The following DYNC2H1 variants were observed in gnomAD, a reference collection of about 807,000 sequenced individuals.
The protein encoded by DYNC2H1 is dynein cytoplasmic 2 heavy chain 1, also known as cytoplasmic dynein 2 heavy chain 1.
In DYNC2H1, 410 loss-of-function variants were observed where a neutral mutation model predicts 570.0. That is an observed-to-expected ratio of 0.72 (90% CI 0.66 to 0.78). The LOEUF (loss-of-function observed/expected upper bound fraction) is 0.78, where lower values mean the gene tolerates loss of function less well. DYNC2H1 is among the 30% of genes least tolerant of loss of function. DYNC2H1 has a pLI of 0.00. For synonymous variants in DYNC2H1, 1,688 were observed against 1,677.6 expected (o/e 1.01, Z -0.15); for missense variants, 4,865 against 5,046.4 (o/e 0.96, Z 1.09).
chr11:103,257,515 G>T, intron 68 of DYNC2H1, 93 bp from the exon 69 acceptor site: 1 of 1,215,436 alleles, frequency 8.2e-7, no homozygotes. Context: ...TTTATTACTT[G>T]GGTAGATATG....
chr11:103,160,887 T>C (rs374429025), intron 28 of DYNC2H1, 45 bp from the exon 29 acceptor site: 197 of 1,098,394 alleles, frequency 1.8e-4, no homozygotes, highest in Non-Finnish European at 2.2e-4. Context: ...CTAATAATTA[T>C]GTCTTTAATC....
At chr11:103,316,489 A>G in intron 79 of DYNC2H1, 56 bp from the exon 80 acceptor site, 1 of 1,180,960 alleles carries the variant, frequency 8.5e-7, no homozygotes. Flanking sequence ...TGATACATAC[A>G]TATATATCTT....
Position 103,231,288 on chromosome 11 carries a change from A to G in DYNC2H1, c.9382A>G (p.Arg3128Gly). The G allele has an allele frequency of 6.2e-7, 1 of 1,605,454 alleles. No individual in the cohort carries two copies. Among genetic ancestry groups the G allele is most frequent in the Non-Finnish European group, 8.5e-7 (1 of 1,176,200 alleles). The change falls in exon 60 of 89, where the codon AGG becomes GGG. Residue 3128 changes from arginine (R) to glycine (G), a missense_variant. Physicochemically the swap from Arg to Gly is moderately radical, Grantham distance 125. Transcript: ENST00000375735. ...SNLKKTEDRKRKLEELLNSVG... is the reference protein window; with the variant it reads ...SNLKKTEDRKGKLEELLNSVG... ...TCTGAAGAAAACTGAAGACAGAAAAAGGAAACTAGAGGAGCTTCTTAATTC... is the reference window on the plus strand; with the variant it reads ...TCTGAAGAAAACTGAAGACAGAAAAGGGAAACTAGAGGAGCTTCTTAATTC...
intron 25 of DYNC2H1, among the ~76,000 whole-genome samples, chr11:103,155,941 G>A (rs1021506937): frequency 2.0e-5 from 3 of 152,168 alleles, no homozygotes; most frequent in African/African-American, 7.2e-5. Flanking sequence ...TATGAAGCAT[G>A]ACTGTTGCAG....
At chr11:103,140,484 T>A (rs978666527) in intron 17 of DYNC2H1, among the ~76,000 whole-genome samples, 5 of 152,186 alleles carry the variant, frequency 3.3e-5, no homozygotes, top group African/African-American at 9.7e-5. Flanking sequence ...TTAGTTTGGC[T>A]GGATATGAAA....
chr11:103,184,012 A>G (rs572580801), intron 40 of DYNC2H1, among the ~76,000 whole-genome samples: 15 of 152,116 alleles, frequency 9.9e-5, no homozygotes, highest in South Asian at 8.3e-4. Context: ...TTACTTAGGC[A>G]TAACTTCTTT....
rs985640925 is a variant in DYNC2H1 at position 103,334,540 on chromosome 11, T to C, written c.12039+10550T>C. On this transcript the variant is annotated intron_variant, in intron 82 of 88. Coordinates refer to ENST00000375735, the MANE Select transcript of DYNC2H1 (RefSeq NM_001377.3). The surrounding 1 kb of genome is among the most constrained non-coding windows in gnomAD (Gnocchi z 4.3). ...TTTTTATTACCAAAAACAGTTTTAGTTGGCATTTTATTACTTTTTAAAATA... is the reference window on the plus strand; with the variant it reads ...TTTTTATTACCAAAAACAGTTTTAGCTGGCATTTTATTACTTTTTAAAATA... Among the ~76,000 whole-genome samples the C allele has an allele frequency of 1.3e-5, 2 of 152,188 alleles. No individual in the cohort carries two copies. Among genetic ancestry groups the C allele is most frequent in the South Asian group, 4.1e-4 (2 of 4,838 alleles).
intron 43 of DYNC2H1, among the ~76,000 whole-genome samples, chr11:103,187,986 T>A (rs1175878571): frequency 2.6e-5 from 4 of 152,062 alleles, no homozygotes. Context: ...CCCATTATTC[T>A]CCATTTTTGC....
chr11:103,478,590 C>A (rs1204011930), intron 88 of DYNC2H1, among the ~76,000 whole-genome samples: 1 of 152,154 alleles, frequency 6.6e-6, no homozygotes, highest in East Asian at 1.9e-4. Flanking sequence ...ATATGGGAAA[C>A]TATTTGGTAT....
rs1862081757 is a variant in DYNC2H1, at chr11:103,186,623, A to G, written c.6893+122A>G. On this transcript the variant is annotated intron_variant, in intron 42 of 88. Coordinates refer to ENST00000375735, the MANE Select transcript of DYNC2H1 (RefSeq NM_001377.3). This position sits in a 1 kb window ranked among gnomAD's most constrained non-coding sequence, Gnocchi z 4.5. ...GCATTTACATTTTCATGGAAGATTC[A>G]TTTTATTTTCATTACTTATAAAAAT... The G allele has an allele frequency of 7.7e-7, 1 of 1,306,318 alleles. No individual in the cohort carries two copies. Among genetic ancestry groups the G allele is most frequent in the African/African-American group, 1.5e-5 (1 of 67,066 alleles). The allele number at this position is 1,306,318 out of a possible 1,614,324, so 80.9% of individuals were successfully genotyped here.
chr11:103,323,642 A>T (rs912184407), intron 81 of DYNC2H1, among the ~76,000 whole-genome samples: 7 of 152,096 alleles, frequency 4.6e-5, no homozygotes, highest in Admixed American at 2.6e-4. Flanking sequence ...AATAATTCGG[A>T]GTCCCTTTGT....
At chr11:103,169,056 A>G (rs902745977) in intron 32 of DYNC2H1, 96 bp downstream of exon 32, 18 of 1,096,682 alleles carry the variant, frequency 1.6e-5, no homozygotes, top group Non-Finnish European at 2.1e-5. Context: ...TTTAAGTAGT[A>G]ATTTTTCCAT....
At position 103,187,404 on chromosome 11, in the gene DYNC2H1, G is replaced by T; in HGVS notation, c.6958G>T (p.Ala2320Ser). The T allele has an allele frequency of 6.2e-6, 10 of 1,613,170 alleles. No homozygotes were observed. Among genetic ancestry groups the T allele is most frequent in the Non-Finnish European group, 8.5e-6 (10 of 1,179,406 alleles). Residue 2320 changes from alanine to serine, a missense_variant, in exon 43 of 89, where the codon GCA becomes TCA. Transcript: ENST00000375735. ...TCAAATTGCTACAGTTCACTGTAGT[G>T]CACAAACCACTTCTCGACATCTCCT... ...STQIATVHCS[A>S]QTTSRHLLQK...
At chr11:103,156,367 T>C (rs1860820787) in intron 25 of DYNC2H1, 21 bp from the exon 26 acceptor site, 1 of 1,593,874 alleles carries the variant, frequency 6.3e-7, no homozygotes, top group African/African-American at 1.4e-5. Flanking sequence ...GTAATAAACA[T>C]GGATATTTTG....
At chr11:103,349,592 C>T (rs1224190976) in intron 82 of DYNC2H1, among the ~76,000 whole-genome samples, 1 of 152,014 alleles carries the variant, frequency 6.6e-6, no homozygotes, top group Non-Finnish European at 1.5e-5. Context: ...GAAGTGTCAG[C>T]CTAGTACTGC....
rs772161165 is a variant in DYNC2H1 at position 103,200,164 on chromosome 11, C to G, written c.8197+10C>G. On this transcript the variant is annotated intron_variant, in intron 50 of 88. Coordinates refer to ENST00000375735, the MANE Select transcript of DYNC2H1 (RefSeq NM_001377.3). ...AGCCTTTTGTCTTCAGGCAAGTGAACAGTTTCTTTTCGAAGAAAATAAAAA... is the reference window on the plus strand; with the variant it reads ...AGCCTTTTGTCTTCAGGCAAGTGAAGAGTTTCTTTTCGAAGAAAATAAAAA... 6.7e-7 allele frequency: 1 copy of G among 1,501,722 alleles called. No individual in the cohort carries two copies. 93.0% of individuals were successfully genotyped at this position (1,501,722 alleles called of 1,614,324 possible). A position where few individuals can be genotyped will look rare whatever the true frequency, so the allele number is the denominator to read the frequency against.
intron 88 of DYNC2H1, among the ~76,000 whole-genome samples, chr11:103,473,073 C>T (rs1945436769): frequency 1.3e-5 from 2 of 152,150 alleles, no homozygotes; most frequent in South Asian, 4.1e-4. Flanking sequence ...AATTCTAAGA[C>T]TTCTATTGGG....
At position 103,211,904 on chromosome 11, in the gene DYNC2H1, C is replaced by G. The variant is rs2135122346; in HGVS notation, c.8655C>G (p.Ser2885Arg). 6.5e-7 allele frequency: 1 copy of G among 1,532,056 alleles called. No individual in the cohort carries two copies. The allele number at this position is 1,532,056 out of a possible 1,614,324, so 94.9% of individuals were successfully genotyped here. ...ATGTGTATTCTGCCATTAGTAGTAG[C>G]AAGAAAAAGGAATTATTAAAAAGAC... ...FLHVYSAISSSKKKELLKRQS... is the reference protein window; with the variant it reads ...FLHVYSAISSRKKKELLKRQS... The change falls in exon 54 of 89, where the codon AGC becomes AGG. Residue 2885 changes from serine to arginine, a missense_variant. This residue lies in a region of DYNC2H1 where 2,401 missense variants were observed against 2,454.6 expected (regional missense o/e 0.98). Coordinates refer to ENST00000375735, the MANE Select transcript of DYNC2H1 (RefSeq NM_001377.3).
intron 87 of DYNC2H1, among the ~76,000 whole-genome samples, chr11:103,456,848 G>T (rs899538433): frequency 1.3e-5 from 2 of 152,148 alleles, no homozygotes; most frequent in African/African-American, 4.8e-5. Context: ...CGCAAACATT[G>T]TTTCATGCAC....
Sources: gnomAD v4.1 joint callset for allele counts (sites outside exome capture counted in the v4.1 genomes callset) on GRCh38, gnomAD v4.1.1 for gene constraint, gnomAD v4.1.1 regional missense constraint, Gnocchi (gnomAD v3.1) non-coding constraint, MANE v1.5 for transcripts, NCBI Gene and HGNC (gene_info 2026-07-23, HGNC 2026-07-21) for gene names.